Variants in RANBP3 observed in about 807,000 individuals in gnomAD.
The protein encoded by RANBP3 is ran-binding protein 3.
RANBP3 carries 14 observed loss-of-function variants against 77.3 expected under a neutral mutation model. The ratio of observed to expected loss-of-function variants is 0.18; its 90% CI spans 0.12 to 0.28. The LOEUF is 0.28. RANBP3 is among the 10% of genes least tolerant of loss of function. The pLI is 1.00. For synonymous variants in RANBP3, 315 were observed against 312.4 expected, an observed-to-expected ratio of 1.01 and a Z score of -0.09; for missense variants, 586 against 752.3, an observed-to-expected ratio of 0.78 and a Z score of 2.59.
chr19:5,951,697 C>G (rs766227027), intron 2 of RANBP3, 101 bp from the exon 3 acceptor site: 1 of 1,082,610 alleles, frequency 9.2e-7, no homozygotes, highest in South Asian at 1.4e-5. Context: ...GCTCAGCTTG[C>G]AGCAGCTCCT....
At chr19:5,923,349 G>A (rs2057852864) in intron 12 of RANBP3, 46 bp from the exon 13 acceptor site, 2 of 1,568,458 alleles carry the variant, frequency 1.3e-6, no homozygotes, top group African/African-American at 1.4e-5. Flanking sequence ...TTTGGCGAGA[G>A]GAGAGCCATC....
chr19:5,954,681 C>G (rs1050528730), intron 2 of RANBP3, among the ~76,000 whole-genome samples: 2 of 152,146 alleles, frequency 1.3e-5, no homozygotes, highest in African/African-American at 4.8e-5. Context: ...TCTAAAAGCT[C>G]GGTCCCAGCT....
At chr19:5,966,407 C>T (rs935253541) in intron 1 of RANBP3, among the ~76,000 whole-genome samples, 7 of 152,238 alleles carry the variant, frequency 4.6e-5, no homozygotes, top group Non-Finnish European at 7.3e-5. Context: ...TTCCAAGGCA[C>T]ACACTCAATG....
At chr19:5,972,211 G>C (rs2058538624) in intron 1 of RANBP3, among the ~76,000 whole-genome samples, 1 of 152,162 alleles carries the variant, frequency 6.6e-6, no homozygotes, top group African/African-American at 2.4e-5. Flanking sequence ...AGAACTCCTG[G>C]AACCATCTCC....
intron 1 of RANBP3, among the ~76,000 whole-genome samples, 163 bp downstream of exon 1, chr19:5,977,898 G>A (rs2058616265): frequency 6.6e-6 from 1 of 152,150 alleles, no homozygotes; most frequent in South Asian, 2.1e-4. Flanking sequence ...AGCCCGGCCT[G>A]AGGGGACGCA....
At chr19:5,936,747 T>C (rs2058069333) in intron 5 of RANBP3, among the ~76,000 whole-genome samples, 2 of 152,080 alleles carry the variant, frequency 1.3e-5, no homozygotes, top group African/African-American at 4.8e-5. Context: ...AACCTGAACA[T>C]TAAATAAAAA....
chr19:5,951,656 A>G, intron 2 of RANBP3, 60 bp from the exon 3 acceptor site: 1 of 1,497,180 alleles, frequency 6.7e-7, no homozygotes, highest in Non-Finnish European at 9.1e-7. Flanking sequence ...ACACAGCAGG[A>G]AGGGCGGGCA....
intron 1 of RANBP3, among the ~76,000 whole-genome samples, chr19:5,974,619 G>A (rs949726055): frequency 6.6e-6 from 1 of 152,024 alleles, no homozygotes; most frequent in Non-Finnish European, 1.5e-5. Context: ...TCCATGAGGC[G>A]TTCACCATGG....
At chr19:5,978,022 C>A (rs1568488471) in intron 1 of RANBP3, 39 bp downstream of exon 1, 8 of 1,607,448 alleles carry the variant, frequency 5.0e-6, no homozygotes, top group South Asian at 4.4e-5. Flanking sequence ...GCCGCCCGTT[C>A]CCCGGCCGCC....
chr19:5,935,627 G>C, intron 5 of RANBP3: 1 of 445,042 alleles, frequency 2.2e-6, no homozygotes, highest in Admixed American at 2.4e-5. Flanking sequence ...GGGGAGCCTG[G>C]GGGCTGGCCC....
In RANBP3 at chr19:5,916,955, C is replaced by G. The variant is rs1357975899; in HGVS notation, c.*655G>C. The stretch of plus-strand genomic sequence containing the variant: ...GGACAGGGACCTCGACAGAGCTGTG[C>G]CTGCTCAACGCTCGAGAGCATCTTA... On this transcript the variant is annotated 3_prime_UTR_variant, in exon 17 of 17. Coordinates refer to ENST00000340578, the MANE Select transcript of RANBP3 (RefSeq NM_007322.3). The G allele has an allele frequency of 2.0e-5, 3 of 152,792 alleles. No homozygotes were observed. The highest frequency in any genetic ancestry group is 4.4e-5 in the Non-Finnish European group (3 of 68,334). 9.5% of individuals were successfully genotyped at this position (152,792 alleles called of 1,614,324 possible). A position where few individuals can be genotyped will look rare whatever the true frequency, so the allele number is the denominator to read the frequency against.
At chr19:5,936,923 G>A (rs1256145258) in intron 5 of RANBP3, among the ~76,000 whole-genome samples, 3 of 151,844 alleles carry the variant, frequency 2.0e-5, no homozygotes, top group Middle Eastern at 6.8e-3. Context: ...CCCACGGGTG[G>A]TGAGTGCCTG....
rs115962035 is a variant in RANBP3 at position 5,926,920 on chromosome 19, G to C, written c.813+1048C>G. 5.2e-3 allele frequency among the ~76,000 whole-genome samples: 797 copies of C among 152,252 alleles called. 4 individuals are homozygous for C. The highest frequency in any genetic ancestry group is 0.018 in the African/African-American group (767 of 41,524). ...CCGGTGCTTTCTGCATGCTAGAGAG[G>C]TTTTTGTTTATTTCAGGGCCCTCCC... On this transcript the variant is annotated intron_variant, in intron 9 of 16. Coordinates refer to ENST00000340578, the MANE Select transcript of RANBP3 (RefSeq NM_007322.3).
At chr19:5,966,267 G>T (rs559618388) in intron 1 of RANBP3, among the ~76,000 whole-genome samples, 2 of 152,292 alleles carry the variant, frequency 1.3e-5, no homozygotes, top group South Asian at 2.1e-4. Flanking sequence ...GAGTTCCGGG[G>T]TCAGTGAAAG....
At chr19:5,925,509 G>T in intron 10 of RANBP3, 125 bp downstream of exon 10, 1 of 794,928 alleles carries the variant, frequency 1.3e-6, no homozygotes, top group Non-Finnish European at 2.1e-6. Context: ...AGAGAGAGGG[G>T]CCTGAGAGCA....
chr19:5,951,468 A>G lies in RANBP3; in HGVS notation c.207T>C (p.Ala69=). 2 of 1,608,828 alleles carry G rather than the reference A, an allele frequency of 1.2e-6. No individual in the cohort carries two copies. The highest frequency in any genetic ancestry group is 1.7e-6 in the Non-Finnish European group (2 of 1,177,686). The part of the protein sequence containing the change: ...GEHALEPPAP[A]GASASTPPPP... ...GCGGAGGAGTGCTGGCTGAGGCGCCAGCAGGGGCAGGAGGTTCTAGGGCAT... is the reference window on the plus strand; with the variant it reads ...GCGGAGGAGTGCTGGCTGAGGCGCCGGCAGGGGCAGGAGGTTCTAGGGCAT... The change falls in exon 3 of 17, where the codon GCT becomes GCC. Residue 69 remains alanine (A), a synonymous_variant. Transcript: ENST00000340578.
chr19:5,959,987 G>T lies in RANBP3; in HGVS notation c.23-2014C>A, dbSNP rs867602933. The stretch of plus-strand genomic sequence containing the variant: ...CTCCAGGCCTGACAAGAAGAGTCCC[G>T]CATGCATCGTCTAACACATGGCACA... On this transcript the variant is annotated intron_variant, in intron 1 of 16. Coordinates refer to ENST00000340578, the MANE Select transcript of RANBP3 (RefSeq NM_007322.3). The surrounding 1 kb of genome is among the most constrained non-coding windows in gnomAD (Gnocchi z 5.1). Among the ~76,000 whole-genome samples, 2 of 152,074 alleles carry T rather than the reference G, an allele frequency of 1.3e-5. No individual in the cohort carries two copies. The highest frequency in any genetic ancestry group is 4.8e-5 in the African/African-American group (2 of 41,414).
At position 5,921,869 on chromosome 19, in the gene RANBP3, T is replaced by A. The variant is rs1232054189; in HGVS notation, c.1210-548A>T. ...CGCCCCTACAGCGCATCTCACTCAG[T>A]CTTAATAAAGAACAAGGCTCCGACC... On this transcript the variant is annotated intron_variant, in intron 13 of 16. Coordinates refer to ENST00000340578, the MANE Select transcript of RANBP3 (RefSeq NM_007322.3). This position sits in a 1 kb window ranked among gnomAD's most constrained non-coding sequence, Gnocchi z 5.3. Among the ~76,000 whole-genome samples, 1 of 152,190 alleles carries A rather than the reference T, an allele frequency of 6.6e-6. No homozygotes were observed. The highest frequency in any genetic ancestry group is 1.5e-5 in the Non-Finnish European group (1 of 68,032).
In RANBP3 at chr19:5,951,399, C is replaced by G; in HGVS notation, c.276G>C (p.Leu92=). The part of the protein sequence containing the change: ...EAQLPPFPRE[L]AGRSAGGSSP... ...CGGGTAGGTGTGGACTTACCCCTGC[C>G]AGTTCTCGCGGAAAAGGAGGAAGCT... is the stretch of plus-strand genomic sequence containing the variant. The change falls in exon 3 of 17, where the codon CTG becomes CTC. Residue 92 remains leucine, a synonymous_variant. Transcript: ENST00000340578. 6.4e-7 allele frequency: 1 copy of G among 1,555,936 alleles called. No individual in the cohort carries two copies. The highest frequency in any genetic ancestry group is 8.7e-7 in the Non-Finnish European group (1 of 1,149,282).
Sources: gnomAD v4.1 joint callset for allele counts (sites outside exome capture counted in the v4.1 genomes callset) on GRCh38, gnomAD v4.1.1 for gene constraint, Gnocchi (gnomAD v3.1) non-coding constraint, MANE v1.5 for transcripts, NCBI Gene and HGNC (gene_info 2026-07-23, HGNC 2026-07-21) for gene names.